Variants in EYA2 observed in about 807,000 individuals in gnomAD.
EYA2 encodes the protein protein phosphatase EYA2.
A neutral mutation model predicts 69.2 loss-of-function variants in EYA2; 31 were observed. The ratio of observed to expected loss-of-function variants is 0.45; its 90% CI spans 0.34 to 0.60. The LOEUF (loss-of-function observed/expected upper bound fraction) is 0.60. Ranked by LOEUF, EYA2 falls within the 20% of genes least tolerant of loss-of-function variation. EYA2 has a pLI of 0.02. For missense variants in EYA2, 622 were observed against 701.2 expected (o/e 0.89, Z 1.28); for synonymous variants, 257 against 279.4 (o/e 0.92, Z 0.80).
At chr20:47,090,516 A>G (rs1477902689) in intron 8 of EYA2, among the ~76,000 whole-genome samples, 1 of 151,060 alleles carries the variant, frequency 6.6e-6, no homozygotes, top group African/African-American at 2.4e-5. Context: ...CTGAGATTAC[A>G]GGCGTGAGCC....
At chr20:46,987,178 C>G (rs560093299) in intron 1 of EYA2, among the ~76,000 whole-genome samples, 7 of 152,296 alleles carry the variant, frequency 4.6e-5, no homozygotes. Flanking sequence ...GTTGAAACTA[C>G]TCCGCTTAAC....
At position 47,016,162 on chromosome 20, in the gene EYA2, TC is replaced by T. The variant is rs778937707; in HGVS notation, c.299-14del. The T allele has an allele frequency of 2.5e-6, 4 of 1,581,236 alleles. No individual in the cohort carries two copies. Among genetic ancestry groups the T allele is most frequent in the South Asian group, 1.1e-5 (1 of 90,382 alleles). ...ATCATGTGTCCTTGGTCCTTTTTTT[TC>T]CCCCTCTTCCTTCAAAGGCATCAAG... On this transcript the variant is annotated intron_variant, in intron 4 of 15. Transcript: ENST00000327619.
intron 5 of EYA2, among the ~76,000 whole-genome samples, chr20:47,039,135 G>A (rs76597160): frequency 0.28 from 42,511 of 151,060 alleles, 6,173 homozygotes; most frequent in South Asian, 0.42. Flanking sequence ...ACACACACGC[G>A]CGCACAATTC....
chr20:46,913,118 C>A (rs1460457744), intron 1 of EYA2, among the ~76,000 whole-genome samples: 4 of 152,218 alleles, frequency 2.6e-5, no homozygotes, highest in Non-Finnish European at 5.9e-5. Context: ...ATACTCCCAC[C>A]ATGGTCACTT....
At chr20:47,093,827 G>T (rs1191343599) in intron 8 of EYA2, among the ~76,000 whole-genome samples, 1 of 152,176 alleles carries the variant, frequency 6.6e-6, no homozygotes, top group Non-Finnish European at 1.5e-5. Context: ...GTATGCACCT[G>T]CACGCCAAAC....
chr20:46,954,344 G>C (rs1600577124), intron 1 of EYA2, among the ~76,000 whole-genome samples: 1 of 152,314 alleles, frequency 6.6e-6, no homozygotes, highest in East Asian at 1.9e-4. Flanking sequence ...ATAAATATTT[G>C]TGGAAGAAGG....
chr20:46,951,651 G>A (rs3092262), intron 1 of EYA2, among the ~76,000 whole-genome samples: 89,071 of 152,022 alleles, frequency 0.59, 27,269 homozygotes, highest in African/African-American at 0.77. Flanking sequence ...AGGCGTCAGA[G>A]GACTCAGATT....
intron 1 of EYA2, among the ~76,000 whole-genome samples, chr20:46,938,702 G>A (rs1476224042): frequency 6.6e-6 from 1 of 152,154 alleles, no homozygotes; most frequent in East Asian, 1.9e-4. Context: ...ATGCCACAGT[G>A]TTTTATGTCA....
intron 6 of EYA2, 110 bp downstream of exon 6, chr20:47,072,362 C>A: frequency 1.9e-6 from 2 of 1,035,376 alleles, no homozygotes; most frequent in Non-Finnish European, 2.9e-6. Flanking sequence ...TGGGAACCTG[C>A]CTCTTAGTCC....
At chr20:46,986,836 T>G (rs943402811) in intron 1 of EYA2, among the ~76,000 whole-genome samples, 3 of 152,034 alleles carry the variant, frequency 2.0e-5, no homozygotes, top group Admixed American at 1.3e-4. Context: ...GAGGGATCCA[T>G]CCCTATGACC....
intron 3 of EYA2, 120 bp from the exon 4 acceptor site, chr20:47,004,822 T>A: frequency 7.6e-7 from 1 of 1,321,534 alleles, no homozygotes; most frequent in African/African-American, 1.4e-5. Flanking sequence ...TGAACATGTA[T>A]GTTGTCTCTG....
At chr20:47,016,058 A>T (rs1197823548) in intron 4 of EYA2, 123 bp from the exon 5 acceptor site, 1 of 744,938 alleles carries the variant, frequency 1.3e-6, no homozygotes, top group Non-Finnish European at 2.4e-6. Flanking sequence ...CCAGTTTGCA[A>T]CTCCTCATTT....
intron 1 of EYA2, among the ~76,000 whole-genome samples, chr20:46,986,382 T>A (rs1215949277): frequency 5.5e-5 from 5 of 91,304 alleles, no homozygotes; most frequent in Admixed American, 1.1e-4. Flanking sequence ...TTATGTATTA[T>A]ATATCGATAT....
chr20:47,124,575 C>CT (rs2033131268), intron 9 of EYA2, among the ~76,000 whole-genome samples: 2 of 152,146 alleles, frequency 1.3e-5, no homozygotes, highest in Admixed American at 1.3e-4. Context: ...CTTGGAATGA[C>CT]TTTCCATAAA....
rs142158974 is a variant in EYA2 at position 47,159,254 on chromosome 20, T to C, written c.979-9885T>C. Among the ~76,000 whole-genome samples, 535 of 152,120 alleles carry C rather than the reference T, an allele frequency of 3.5e-3. 3 individuals carry two copies. The highest frequency in any genetic ancestry group is 0.012 in the African/African-American group (514 of 41,574). ...CAACAGTGATTAGTCATGTTGATAA[T>C]ATTTACCCTTGATGTGATATGAAGA... On this transcript the variant is annotated intron_variant, in intron 10 of 15. Transcript: ENST00000327619.
intron 1 of EYA2, among the ~76,000 whole-genome samples, chr20:46,937,166 T>C (rs368240541): frequency 2.0e-5 from 3 of 152,074 alleles, no homozygotes; most frequent in African/African-American, 7.2e-5. Context: ...GAAAAAAAAA[T>C]CTCTGCAGTT....
chr20:46,976,118 C>T (rs1980444829), intron 1 of EYA2, among the ~76,000 whole-genome samples: 1 of 152,082 alleles, frequency 6.6e-6, no homozygotes, highest in Admixed American at 6.5e-5. Context: ...CCCTGCACCT[C>T]GGGAGGCCGA....
At chr20:47,125,786 T>C (rs1171880418) in intron 9 of EYA2, among the ~76,000 whole-genome samples, 2 of 152,218 alleles carry the variant, frequency 1.3e-5, no homozygotes, top group African/African-American at 4.8e-5. Flanking sequence ...GAGTAATTAT[T>C]TGTTCAACTT....
intron 1 of EYA2, among the ~76,000 whole-genome samples, chr20:46,917,491 C>T (rs901225285): frequency 9.2e-5 from 14 of 152,244 alleles, no homozygotes; most frequent in African/African-American, 3.4e-4. Flanking sequence ...GTCAGACAGA[C>T]TATGACCACT....
Sources: allele counts gnomAD v4.1 joint callset (sites outside exome capture counted in the v4.1 genomes callset), GRCh38; gene constraint gnomAD v4.1.1; transcripts MANE v1.5; gene names NCBI Gene and HGNC (gene_info 2026-07-23, HGNC 2026-07-21).